The following DNAH17 variants were observed in gnomAD, a reference collection of about 807,000 sequenced individuals.
The protein encoded by DNAH17 is dynein axonemal heavy chain 17, also known as axonemal beta dynein heavy chain 17.
DNAH17 carries 376 observed loss-of-function variants against 485.6 expected under a neutral mutation model. That is an observed-to-expected ratio of 0.77 (90% CI 0.71 to 0.84). DNAH17 has a LOEUF of 0.84. DNAH17 is among the 40% of genes least tolerant of loss of function. The pLI is 0.00. For missense variants in DNAH17, 6,370 were observed against 5,839.3 expected, an observed-to-expected ratio of 1.09 and a Z score of -2.96; for synonymous variants, 3,031 against 2,405.9, an observed-to-expected ratio of 1.26 and a Z score of -7.60.
At position 78,557,048 on chromosome 17, in the gene DNAH17, G is replaced by C. The variant is rs574660902; in HGVS notation, c.2178+1060C>G. ...GCCCCCCACCTCCAACAATTACTGG[G>C]AAGTTTTTCCAAAGTCAACCTCTTG... On this transcript the variant is annotated intron_variant, in intron 14 of 80. Coordinates refer to ENST00000389840, the MANE Select transcript of DNAH17 (RefSeq NM_173628.4). Among the ~76,000 whole-genome samples the C allele has an allele frequency of 3.3e-5, 5 of 152,250 alleles. No homozygotes were observed. In the South Asian group the frequency reaches 8.3e-4, roughly 25 times the overall value.
chr17:78,570,856 CAAAA>C (rs60897530), intron 6 of DNAH17, 88 bp downstream of exon 6: 3,358 of 287,806 alleles, frequency 0.012, 1 homozygote, highest in South Asian at 0.026. Context: ...GACTCCCTCT[CAAAA>C]AAAAAAAAAA....
chr17:78,486,057 G>A lies in DNAH17; in HGVS notation c.7178C>T (p.Thr2393Met), dbSNP rs552546046. Reference sequence around the variant, plus strand: ...AGGATCAATGTAGTAGTCAAAAATCGTTCCCTGCGAGGGGAACTTGATAGT... The same window carrying A: ...AGGATCAATGTAGTAGTCAAAAATCATTCCCTGCGAGGGGAACTTGATAGT... ...FKTIKFPSQG[T>M]IFDYYIDPDT... is the part of the protein sequence containing the mutation. Residue 2393 changes from threonine (T) to methionine (M), a missense_variant, in exon 46 of 81, where the codon ACG becomes ATG. Coordinates refer to ENST00000389840, the MANE Select transcript of DNAH17 (RefSeq NM_173628.4). 35 of 1,613,964 alleles carry A rather than the reference G, an allele frequency of 2.2e-5. No individual in the cohort carries two copies. Among genetic ancestry groups the A allele is most frequent in the Admixed American group, 6.7e-5 (4 of 60,020 alleles).
rs767725077 is a variant in DNAH17 at position 78,494,082 on chromosome 17, C to T, written c.6362G>A (p.Arg2121His). ...VVQLEELLQV[R>H]HSVFIVGNAG... ...ATTCCCGACGATGAACACGGAGTGG[C>T]GGACCTGCAGCAGCTCCTCCAGCTG... is the stretch of plus-strand genomic sequence containing the variant. Residue 2121 changes from arginine (R) to histidine (H), a missense_variant, in exon 41 of 81, where the codon CGC becomes CAC. By Grantham distance (29) the Arg-to-His change is conservative. Coordinates refer to ENST00000389840, the MANE Select transcript of DNAH17 (RefSeq NM_173628.4). The T allele has an allele frequency of 1.3e-5, 21 of 1,612,566 alleles. No individual in the cohort carries two copies. Among genetic ancestry groups the T allele is most frequent in the Non-Finnish European group, 1.8e-5 (21 of 1,179,812 alleles).
chr17:78,563,490 CCA>C (rs2092202640), intron 11 of DNAH17, among the ~76,000 whole-genome samples: 1 of 142,284 alleles, frequency 7.0e-6, no homozygotes, highest in African/African-American at 2.6e-5. Context: ...GAAAAAAACC[CCA>C]AAAACCTGAA....
At chr17:78,551,354 T>G (rs1291737118) in intron 16 of DNAH17, among the ~76,000 whole-genome samples, 181 bp downstream of exon 16, 1 of 152,236 alleles carries the variant, frequency 6.6e-6, no homozygotes, top group African/African-American at 2.4e-5. Flanking sequence ...ACAGAGCAAC[T>G]GGGCTCTTTC....
Position 78,539,885 on chromosome 17 carries a change from A to C in DNAH17, c.2533-5T>G. The C allele has an allele frequency of 6.4e-7, 1 of 1,569,486 alleles. No individual in the cohort carries two copies. Among genetic ancestry groups the C allele is most frequent in the African/African-American group, 1.4e-5 (1 of 72,956 alleles). ...CCTGAATAGTTCTGCGTTTTCCTGC[A>C]AACAGAAGCGCACAGTTGGGCCTCA... On this transcript the variant is annotated splice_region_variant and splice_polypyrimidine_tract_variant and intron_variant, in intron 17 of 80. Transcript: ENST00000389840.
intron 54 of DNAH17, among the ~76,000 whole-genome samples, chr17:78,471,955 G>A (rs2088772402): frequency 6.6e-6 from 1 of 152,150 alleles, no homozygotes. Context: ...CCCCAGGGCA[G>A]TTCTCCCCCA....
chr17:78,572,507 C>T (rs2092373663), intron 3 of DNAH17, among the ~76,000 whole-genome samples, 194 bp downstream of exon 3: 1 of 152,074 alleles, frequency 6.6e-6, no homozygotes, highest in Non-Finnish European at 1.5e-5. Flanking sequence ...TCCCTCCCTG[C>T]CCTGGTTTCA....
In DNAH17 at chr17:78,494,647, C is replaced by T; in HGVS notation, c.6216G>A (p.Gly2072=). ...DDLPVFMGLI[G]DLFPALDVPR... The stretch of plus-strand genomic sequence containing the variant: ...GCACGTCCAGAGCCGGGAAGAGGTC[C>T]CCGATCAGTCCCATGAATACGGGCA... Residue 2072 remains glycine (G), a synonymous_variant, in exon 40 of 81, where the codon GGG becomes GGA. Transcript: ENST00000389840. The T allele has an allele frequency of 6.8e-6, 11 of 1,613,930 alleles. No homozygotes were observed. The highest frequency in any genetic ancestry group is 8.5e-6 in the Non-Finnish European group (10 of 1,179,900).
chr17:78,446,069 G>A (rs1448090023), intron 69 of DNAH17, among the ~76,000 whole-genome samples: 1 of 148,502 alleles, frequency 6.7e-6, no homozygotes, highest in East Asian at 2.0e-4. Context: ...AGCTACTCGG[G>A]ATGCTGAGGC....
chr17:78,433,219 G>GT (rs1216354109), intron 75 of DNAH17, among the ~76,000 whole-genome samples: 1 of 152,220 alleles, frequency 6.6e-6, no homozygotes, highest in African/African-American at 2.4e-5. Context: ...TCAAAGCTTC[G>GT]TAAGAACCGT....
rs1555651751 is a variant in DNAH17 at position 78,438,432 on chromosome 17, A to AG, written c.11806-565dup. Among the ~76,000 whole-genome samples, 11 of 50,722 alleles carry AG rather than the reference A, an allele frequency of 2.2e-4. 1 individual carries two copies. The highest frequency in any genetic ancestry group is 3.7e-4 in the Non-Finnish European group (10 of 27,180). 33.3% of individuals were successfully genotyped at this position (50,722 alleles called of 152,430 possible). A position where few individuals can be genotyped will look rare whatever the true frequency, so the allele number is the denominator to read the frequency against. On this transcript the variant is annotated intron_variant, in intron 73 of 80. Coordinates refer to ENST00000389840, the MANE Select transcript of DNAH17 (RefSeq NM_173628.4). ...CCTGCCCCAAGTGAGGAGAAGGAGGAGGAGGAGGAGGAGGGAGGAGGGAGG... is the reference window on the plus strand; with the variant it reads ...CCTGCCCCAAGTGAGGAGAAGGAGGAGGGAGGAGGAGGAGGGAGGAGGGAGG...
chr17:78,454,574 G>T lies in DNAH17; in HGVS notation c.10302C>A (p.Asn3434Lys), dbSNP rs1414350201. The change falls in exon 64 of 81, where the codon AAC becomes AAA. Residue 3434 changes from asparagine (N) to lysine (K), a missense_variant. Physicochemically the swap from Asn to Lys is moderately conservative, Grantham distance 94 (BLOSUM62 0). Transcript: ENST00000389840. The stretch of plus-strand genomic sequence containing the variant: ...CCACGATCAGCGGCCACCGCTCGGT[G>T]TTGCCCAGGATGGTGGCATTCTCGG... ...MSTENATILG[N>K]TERWPLIVDA... is the part of the protein sequence containing the mutation. 2.5e-6 allele frequency: 4 copies of T among 1,613,136 alleles called. No homozygotes were observed. Among genetic ancestry groups the T allele is most frequent in the African/African-American group, 1.3e-5 (1 of 74,956 alleles).
rs1032796342 is a variant in DNAH17 at position 78,466,566 on chromosome 17, A to T, written c.8940+89T>A. 8 of 1,361,890 alleles carry T rather than the reference A, an allele frequency of 5.9e-6. No individual in the cohort carries two copies. In the African/African-American group the frequency reaches 1.0e-4, roughly 18 times the overall value. The allele number at this position is 1,361,890 out of a possible 1,614,324, so 84.4% of individuals were successfully genotyped here. On this transcript the variant is annotated intron_variant, in intron 56 of 80. Coordinates refer to ENST00000389840, the MANE Select transcript of DNAH17 (RefSeq NM_173628.4). ...GCCTCACTTGGCTCACCCTAATCCC[A>T]GCGCCCTTTTCTCCCAGGGAGCCAG...
At position 78,425,373 on chromosome 17, in the gene DNAH17, A is replaced by AG; in HGVS notation, c.13113dup (p.Ser4372LeufsTer22). ...TCCATGAAGAGTCCGTACACGTAGG[A>AG]GCCCTCTCGCGGAGGAGCGGTCATG... On this transcript the variant is annotated frameshift_variant, in exon 80 of 81. Coordinates refer to ENST00000389840, the MANE Select transcript of DNAH17 (RefSeq NM_173628.4). LOFTEE classifies it high-confidence loss of function. 1 of 1,613,946 alleles carries AG rather than the reference A, an allele frequency of 6.2e-7. No individual in the cohort carries two copies.
At position 78,569,646 on chromosome 17, in the gene DNAH17, C is replaced by CT. The variant is rs1312138604; in HGVS notation, c.1045-120dup. On this transcript the variant is annotated intron_variant, in intron 7 of 80. Coordinates refer to ENST00000389840, the MANE Select transcript of DNAH17 (RefSeq NM_173628.4). ...ACATATGGATATCTGAAAATAACCCCTCCTATCTGCCCACTGCTGGGCCGT... is the reference window on the plus strand; with the variant it reads ...ACATATGGATATCTGAAAATAACCCCTTCCTATCTGCCCACTGCTGGGCCGT... The CT allele has an allele frequency of 2.4e-6, 3 of 1,273,408 alleles. No individual in the cohort carries two copies. In the African/African-American group the frequency reaches 4.5e-5, roughly 19 times the overall value. 78.9% of individuals were successfully genotyped at this position (1,273,408 alleles called of 1,614,324 possible).
rs758199784 is a variant in DNAH17, at chr17:78,501,153, C to T, written c.5483+31G>A. On this transcript the variant is annotated intron_variant, in intron 35 of 80. Coordinates refer to ENST00000389840, the MANE Select transcript of DNAH17 (RefSeq NM_173628.4). ...TCATGCGGAAGGGACCCACCAAGAG[C>T]ACATGTGAGTTACTCAGGGACGGGC... 9 of 1,549,290 alleles carry T rather than the reference C, an allele frequency of 5.8e-6. No homozygotes were observed. The South Asian group carries it at 9.9e-5, about 17-fold the overall frequency.
intron 40 of DNAH17, 67 bp from the exon 41 acceptor site, chr17:78,494,240 T>TG: frequency 3.8e-6 from 6 of 1,562,208 alleles, no homozygotes; most frequent in Non-Finnish European, 3.5e-6. Flanking sequence ...GCTGGGAGGC[T>TG]GGGGGGCTTC....
At position 78,538,809 on chromosome 17, in the gene DNAH17, A is replaced by C. The variant is rs537280383; in HGVS notation, c.2676+928T>G. ...TCTGAGACCCATATGCCAGACTCAAACACCATCCACCCTCCCTGGTCGGTA... is the reference window on the plus strand; with the variant it reads ...TCTGAGACCCATATGCCAGACTCAACCACCATCCACCCTCCCTGGTCGGTA... On this transcript the variant is annotated intron_variant, in intron 18 of 80. Coordinates refer to ENST00000389840, the MANE Select transcript of DNAH17 (RefSeq NM_173628.4). 5.8e-4 allele frequency among the ~76,000 whole-genome samples: 88 copies of C among 152,224 alleles called. 1 individual carries two copies. The highest frequency in any genetic ancestry group is 2.1e-3 in the African/African-American group (87 of 41,520).
Sources: allele counts gnomAD v4.1 joint callset (sites outside exome capture counted in the v4.1 genomes callset), GRCh38; gene constraint gnomAD v4.1.1; transcripts MANE v1.5; gene names NCBI Gene and HGNC (gene_info 2026-07-23, HGNC 2026-07-21).